Variants in MYLK observed in about 807,000 individuals in gnomAD.
MYLK encodes myosin light chain kinase.
Under a neutral mutation model 203.4 loss-of-function variants are expected in MYLK, and 106 were observed. That is an observed-to-expected ratio of 0.52 (90% CI 0.45 to 0.61). The LOEUF (loss-of-function observed/expected upper bound fraction) is 0.61. MYLK is among the 20% of genes least tolerant of loss of function. The pLI is 0.00. For missense variants in MYLK, 2,072 were observed against 2,442.3 expected (o/e 0.85, Z 3.20); for synonymous variants, 867 against 959.5 (o/e 0.90, Z 1.78).
chr3:123,858,502 G>GT (rs2031609221), intron 2 of MYLK, among the ~76,000 whole-genome samples: 2 of 152,114 alleles, frequency 1.3e-5, no homozygotes, highest in African/African-American at 4.8e-5. Context: ...GCTACATCTG[G>GT]TAAGAACCTT....
intron 33 of MYLK, chr3:123,616,472 A>G (rs935995006): frequency 8.5e-5 from 13 of 152,342 alleles, no homozygotes; most frequent in Admixed American, 8.5e-4. Context: ...AAAGTCATAT[A>G]TATACATACA....
intron 19 of MYLK, among the ~76,000 whole-genome samples, chr3:123,686,373 T>TG (rs1427596949): frequency 9.6e-4 from 144 of 149,822 alleles, no homozygotes; most frequent in Non-Finnish European, 1.8e-3. Context: ...GGGCAGCGTT[T>TG]TTTTTTTTTT....
chr3:123,852,039 G>T (rs952407981), intron 2 of MYLK, among the ~76,000 whole-genome samples: 1 of 152,268 alleles, frequency 6.6e-6, no homozygotes. Flanking sequence ...TAATAGGCTG[G>T]ATTACGTTTA....
chr3:123,657,444 C>G lies in MYLK; in HGVS notation c.3986-16G>C. On this transcript the variant is annotated splice_polypyrimidine_tract_variant and intron_variant, in intron 23 of 33. Transcript: ENST00000360304. ...TCTGGCTTATCTGGGGATAAAGAAG[C>G]ACAACATCACCCACACTTTCCAGAA... 1.2e-6 allele frequency: 2 copies of G among 1,612,140 alleles called. No homozygotes were observed. The highest frequency in any genetic ancestry group is 2.2e-5 in the East Asian group (1 of 44,876).
chr3:123,738,761 C>T, intron 7 of MYLK, 136 bp downstream of exon 7: 2 of 1,221,968 alleles, frequency 1.6e-6, no homozygotes, highest in Non-Finnish European at 2.3e-6. Context: ...ATTGTGAGGC[C>T]TCCCCAGCCA....
chr3:123,865,168 A>T (rs575737469), intron 2 of MYLK, among the ~76,000 whole-genome samples: 3 of 152,184 alleles, frequency 2.0e-5, no homozygotes, highest in African/African-American at 7.2e-5. Context: ...ACAATATTTG[A>T]TGACTCTTCA....
Position 123,789,403 on chromosome 3 carries a change from C to A in MYLK, c.165+4274G>T, listed in dbSNP as rs531827798. On this transcript the variant is annotated intron_variant, in intron 4 of 33. Transcript: ENST00000360304. ...ACAGGTGTTAGAAGTGTGCTCAGGG[C>A]CATTTGGTAAAAAATTCCTGGGTCC... 2.4e-4 allele frequency among the ~76,000 whole-genome samples: 37 copies of A among 152,180 alleles called. 2 individuals carry two copies. In the South Asian group the frequency reaches 7.5e-3, roughly 31 times the overall value.
At position 123,737,312 on chromosome 3, in the gene MYLK, AG is replaced by A. The variant is rs1226519391; in HGVS notation, c.754+65del. 8.7e-6 allele frequency: 14 copies of A among 1,606,450 alleles called. No individual in the cohort carries two copies. The Admixed American group carries it at 1.5e-4, about 17-fold the overall frequency. On this transcript the variant is annotated intron_variant, in intron 8 of 33. Coordinates refer to ENST00000360304, the MANE Select transcript of MYLK (RefSeq NM_053025.4). ...ACACACAGGTGCGCAGTGAACAAGC[AG>A]CTCCTCTAGGAGGGTGCGGCACCAG... is the stretch of plus-strand genomic sequence containing the variant.
chr3:123,800,336 C>G (rs746902617), intron 3 of MYLK: 13 of 152,276 alleles, frequency 8.5e-5, no homozygotes, highest in Non-Finnish European at 1.6e-4. Flanking sequence ...CTTGGCACAT[C>G]TGGCCTGGGA....
intron 10 of MYLK, 146 bp from the exon 11 acceptor site, chr3:123,733,248 C>A: frequency 1.1e-6 from 1 of 881,232 alleles, no homozygotes; most frequent in Admixed American, 2.0e-5. Flanking sequence ...CTTCCTCACC[C>A]TCAACCACAC....
Position 123,629,625 on chromosome 3 carries a change from C to T in MYLK, c.4963G>A (p.Val1655Ile). 7.4e-6 allele frequency: 12 copies of T among 1,613,710 alleles called. No homozygotes were observed. The highest frequency in any genetic ancestry group is 1.1e-5 in the South Asian group (1 of 91,052). Residue 1655 changes from valine (V) to isoleucine (I), a missense_variant and splice_region_variant, in exon 30 of 34, where the codon GTC becomes ATC. By Grantham distance (29) the Val-to-Ile change is conservative. Around this residue, in one of 3 missense-constraint regions of MYLK, gnomAD observed 524 missense variants for 782.4 expected, o/e 0.67. Transcript: ENST00000360304. This position sits in a 1 kb window ranked among gnomAD's most constrained non-coding sequence, Gnocchi z 4.4. The part of the protein sequence containing the change: ...WSIGVICYIL[V>I]SGLSPFMGDN... Reference sequence around the variant, plus strand: ...CCCATGAAGGGGGAAAGGCCACTGACTCTGGAGAGACAAGAGCAGGACAGC... The same window carrying T: ...CCCATGAAGGGGGAAAGGCCACTGATTCTGGAGAGACAAGAGCAGGACAGC...
At chr3:123,881,302 G>T (rs1009860051) in intron 1 of MYLK, among the ~76,000 whole-genome samples, 4 of 152,158 alleles carry the variant, frequency 2.6e-5, no homozygotes, top group Admixed American at 6.5e-5. Flanking sequence ...CATCCACATG[G>T]ACATTTTCCA....
At chr3:123,689,841 T>A (rs1273829478) in intron 19 of MYLK, 1 of 152,224 alleles carries the variant, frequency 6.6e-6, no homozygotes, top group African/African-American at 2.4e-5. Context: ...AGCAAGTTCA[T>A]AAACACCCCT....
intron 4 of MYLK, among the ~76,000 whole-genome samples, chr3:123,776,120 C>T (rs1455791256): frequency 2.0e-5 from 3 of 152,170 alleles, no homozygotes; most frequent in East Asian, 1.9e-4. Context: ...TGCTGGTCCC[C>T]GTGTGGCAGC....
chr3:123,719,978 G>A (rs540562040), intron 13 of MYLK, among the ~76,000 whole-genome samples: 8 of 152,188 alleles, frequency 5.3e-5, no homozygotes, highest in Admixed American at 6.5e-5. Context: ...GCTGTGCCAG[G>A]CTCACCCTGC....
At chr3:123,821,233 GTTTTA>G (rs2065927813) in intron 3 of MYLK, among the ~76,000 whole-genome samples, 1 of 152,122 alleles carries the variant, frequency 6.6e-6, no homozygotes, top group East Asian at 1.9e-4. Flanking sequence ...TATATTTTGG[GTTTTA>G]TTTTTAGATT....
chr3:123,860,049 C>T (rs2031756181), intron 2 of MYLK, among the ~76,000 whole-genome samples: 1 of 151,798 alleles, frequency 6.6e-6, no homozygotes, highest in African/African-American at 2.4e-5. Context: ...ATTCCAAAAA[C>T]ATTCTGAGCA....
At chr3:123,674,358 TG>T (rs1306653007) in intron 20 of MYLK, among the ~76,000 whole-genome samples, 3 of 152,228 alleles carry the variant, frequency 2.0e-5, no homozygotes, top group Non-Finnish European at 4.4e-5. Context: ...TTTGTCACTC[TG>T]TGGCCAAAGT....
intron 5 of MYLK, among the ~76,000 whole-genome samples, chr3:123,743,911 G>C (rs571785199): frequency 6.6e-6 from 1 of 152,326 alleles, no homozygotes; most frequent in South Asian, 2.1e-4. Flanking sequence ...AACACTGAGA[G>C]AGATGCAATT....
Sources: allele counts gnomAD v4.1 joint callset (sites outside exome capture counted in the v4.1 genomes callset), GRCh38; gene constraint gnomAD v4.1.1; regional missense constraint gnomAD v4.1.1; non-coding constraint Gnocchi (gnomAD v3.1); transcripts MANE v1.5; gene names NCBI Gene and HGNC (gene_info 2026-07-23, HGNC 2026-07-21).